The following HPSE2 variants were observed in gnomAD, a reference collection of about 807,000 sequenced individuals.
HPSE2 encodes heparanase 2 (inactive).
Under a neutral mutation model 60.5 loss-of-function variants are expected in HPSE2, and 38 were observed. The ratio of observed to expected loss-of-function variants is 0.63; its 90% CI spans 0.48 to 0.82. The LOEUF (loss-of-function observed/expected upper bound fraction) is 0.82, where lower values mean the gene tolerates loss of function less well. Ranked by LOEUF, HPSE2 falls within the 40% of genes least tolerant of loss-of-function variation. The pLI, the probability that HPSE2 is intolerant of heterozygous loss-of-function variation, is 0.00. For synonymous variants in HPSE2, 295 were observed against 293.2 expected, an observed-to-expected ratio of 1.01 and a Z score of -0.06; for missense variants, 713 against 740.4, an observed-to-expected ratio of 0.96 and a Z score of 0.43.
Position 98,490,193 on chromosome 10 carries a change from A to G in HPSE2, c.1324T>C (p.Tyr442His). 1 of 1,614,046 alleles carries G rather than the reference A, an allele frequency of 6.2e-7. No homozygotes were observed. Among genetic ancestry groups the G allele is most frequent in the South Asian group, 1.1e-5 (1 of 91,068 alleles). Reference sequence around the variant, plus strand: ...CGCTTGTAGAGGAGAGAGAGCCAGTAGTCCTGAGGAGAATAGAGAGGGAGA... The same window carrying G: ...CGCTTGTAGAGGAGAGAGAGCCAGTGGTCCTGAGGAGAATAGAGAGGGAGA... ...VDQNFNPLPD[Y>H]WLSLLYKRLI... is the part of the protein sequence containing the mutation. The change falls in exon 10 of 12, where the codon TAC (tyrosine) becomes CAC (histidine). Residue 442 changes from tyrosine to histidine, a missense_variant. Tyr to His is a moderately conservative substitution (Grantham distance 83). Coordinates refer to ENST00000370552, the MANE Select transcript of HPSE2 (RefSeq NM_021828.5).
chr10:98,836,579 C>G (rs956900598), intron 3 of HPSE2, among the ~76,000 whole-genome samples: 2 of 152,126 alleles, frequency 1.3e-5, no homozygotes, highest in Admixed American at 6.5e-5. Flanking sequence ...CTTAGCAAGT[C>G]TGAAATGTGT....
intron 2 of HPSE2, among the ~76,000 whole-genome samples, chr10:99,163,523 G>A (rs988903115): frequency 6.6e-6 from 1 of 151,960 alleles, no homozygotes; most frequent in African/African-American, 2.4e-5. Flanking sequence ...TTCATCATAT[G>A]AATAAAAAAC....
chr10:98,921,233 T>C (rs1564657367), intron 3 of HPSE2, among the ~76,000 whole-genome samples: 1 of 152,212 alleles, frequency 6.6e-6, no homozygotes, highest in Admixed American at 6.5e-5. Flanking sequence ...TTCTGGCACA[T>C]ACTGAGCACT....
At chr10:99,290,351 G>C in the HPSE2 span, among the ~76,000 whole-genome samples, 1 of 152,118 alleles carries the variant, frequency 6.6e-6, no homozygotes, top group Non-Finnish European at 1.5e-5. Context: ...CTCATACCTT[G>C]TAAGAATTGT....
rs397515338 is a variant in HPSE2 at position 98,490,050 on chromosome 10, CTT to C, written c.1465_1466del (p.Asn489ProfsTer126). The C allele has an allele frequency of 4.2e-4, 677 of 1,614,142 alleles. No homozygotes were observed. Among genetic ancestry groups the C allele is most frequent in the Non-Finnish European group, 5.5e-4 (649 of 1,179,990 alleles). ...TTTCTGCCATCTTTCTGAGGACTTA[CTT>C]GTGGTGGTTTGTGCAGTGAGCATAA... The part of the protein sequence containing the change: ...RIYAHCTNHH[N>X]HNYVRGSITL... On this transcript the variant is annotated frameshift_variant and splice_region_variant, in exon 10 of 12. Transcript: ENST00000370552. LOFTEE classifies it high-confidence loss of function.
At chr10:98,866,045 A>G (rs1056877911) in intron 3 of HPSE2, among the ~76,000 whole-genome samples, 2 of 152,180 alleles carry the variant, frequency 1.3e-5, no homozygotes, top group African/African-American at 4.8e-5. Context: ...CAAAGAGTCA[A>G]GAAAACATGA....
intron 3 of HPSE2, among the ~76,000 whole-genome samples, chr10:99,045,028 A>G (rs1173701326): frequency 6.6e-6 from 1 of 152,186 alleles, no homozygotes; most frequent in Non-Finnish European, 1.5e-5. Context: ...ATAGACATCT[A>G]CAGAACACTC....
chr10:98,609,266 C>T (rs746996448), intron 9 of HPSE2, among the ~76,000 whole-genome samples: 2 of 152,208 alleles, frequency 1.3e-5, no homozygotes, highest in Non-Finnish European at 2.9e-5. Flanking sequence ...CTCCCTATCT[C>T]TACTGTAAGC....
At chr10:98,691,465 A>T (rs1948075443) in intron 6 of HPSE2, among the ~76,000 whole-genome samples, 1 of 152,214 alleles carries the variant, frequency 6.6e-6, no homozygotes, top group Non-Finnish European at 1.5e-5. Context: ...CAGGAAGAGT[A>T]CTTGAATAGA....
chr10:98,705,032 G>C (rs1208070506), intron 5 of HPSE2, among the ~76,000 whole-genome samples: 2 of 151,964 alleles, frequency 1.3e-5, no homozygotes, highest in East Asian at 3.9e-4. Flanking sequence ...CTAATATCCA[G>C]AATCTACAAG....
At chr10:99,158,003 T>G (rs1846651559) in intron 2 of HPSE2, among the ~76,000 whole-genome samples, 1 of 144,624 alleles carries the variant, frequency 6.9e-6, no homozygotes, top group Admixed American at 7.1e-5. Flanking sequence ...CATGAAAAAA[T>G]GCTCATCATC....
At chr10:99,240,924 A>G in the HPSE2 span, among the ~76,000 whole-genome samples, 1 of 152,210 alleles carries the variant, frequency 6.6e-6, no homozygotes, top group African/African-American at 2.4e-5. Flanking sequence ...ACTGGGAAGC[A>G]TGAAGATATA....
chr10:98,752,014 T>C (rs967242352), intron 3 of HPSE2, among the ~76,000 whole-genome samples: 1 of 152,248 alleles, frequency 6.6e-6, no homozygotes, highest in Non-Finnish European at 1.5e-5. Flanking sequence ...TTAAACACAA[T>C]TCTCAATCTT....
At chr10:99,046,811 C>T (rs1957865939) in intron 3 of HPSE2, among the ~76,000 whole-genome samples, 3 of 151,816 alleles carry the variant, frequency 2.0e-5, no homozygotes, top group Non-Finnish European at 4.4e-5. Flanking sequence ...CAAAACACTG[C>T]TGAAATAAAT....
At chr10:98,769,242 T>C (rs1950190004) in intron 3 of HPSE2, among the ~76,000 whole-genome samples, 1 of 152,182 alleles carries the variant, frequency 6.6e-6, no homozygotes, top group Non-Finnish European at 1.5e-5. Context: ...CCACAGTCCA[T>C]GGTTTTCCAG....
At chr10:98,534,482 G>C (rs1943222112) in intron 9 of HPSE2, among the ~76,000 whole-genome samples, 5 of 151,826 alleles carry the variant, frequency 3.3e-5, no homozygotes, top group Non-Finnish European at 1.5e-5. Flanking sequence ...TCTGCTCACT[G>C]CAACCTCCGC....
At chr10:99,118,022 A>G (rs367805270) in intron 3 of HPSE2, among the ~76,000 whole-genome samples, 1 of 152,182 alleles carries the variant, frequency 6.6e-6, no homozygotes, top group Non-Finnish European at 1.5e-5. Context: ...TATCCACCAC[A>G]TCAAAAAGCT....
chr10:98,547,329 C>T (rs1943716171), intron 9 of HPSE2, among the ~76,000 whole-genome samples: 1 of 146,086 alleles, frequency 6.8e-6, no homozygotes, highest in South Asian at 2.2e-4. Context: ...GACTATAAAT[C>T]ATGCTGCTAT....
At chr10:99,264,308 T>C in the HPSE2 span, among the ~76,000 whole-genome samples, 11 of 152,152 alleles carry the variant, frequency 7.2e-5, no homozygotes, top group African/African-American at 2.6e-4. Flanking sequence ...TGGATGGTTT[T>C]GATCTCCTGA....
Sources: allele counts gnomAD v4.1 joint callset (sites outside exome capture counted in the v4.1 genomes callset), GRCh38; gene constraint gnomAD v4.1.1; transcripts MANE v1.5; gene names NCBI Gene and HGNC (gene_info 2026-07-23, HGNC 2026-07-21).